CCDC7: variants seen among roughly 807,000 people sequenced by gnomAD.
CCDC7 encodes coiled-coil domain-containing protein 7.
A neutral mutation model predicts 196.9 loss-of-function variants in CCDC7; 183 were observed. The ratio of observed to expected loss-of-function variants is 0.93; its 90% CI spans 0.82 to 1.05. The LOEUF is 1.05. Among genes scored for constraint, CCDC7 ranks in the 50% least tolerant of loss-of-function variants. The probability of loss-of-function intolerance (pLI) is 0.00; values close to 1 mark genes in which losing one functional copy is unlikely to be tolerated. For missense variants in CCDC7, 1,540 were observed against 1,482.2 expected (o/e 1.04, Z -0.64); for synonymous variants, 525 against 484.6 (o/e 1.08, Z -1.10).
chr10:32,705,122 A>T (rs1254099531), intron 24 of CCDC7, among the ~76,000 whole-genome samples: 1 of 152,158 alleles, frequency 6.6e-6, no homozygotes, highest in Non-Finnish European at 1.5e-5. Context: ...GGAGCTGTAG[A>T]CTGGAGCTGT....
At chr10:32,700,694 A>T (rs867605827) in intron 24 of CCDC7, among the ~76,000 whole-genome samples, 1 of 152,192 alleles carries the variant, frequency 6.6e-6, no homozygotes, top group Non-Finnish European at 1.5e-5. Flanking sequence ...TGAGCATGGA[A>T]TGGTCTTCCA....
intron 20 of CCDC7, among the ~76,000 whole-genome samples, chr10:32,638,293 A>G (rs1158535618): frequency 1.3e-5 from 2 of 152,186 alleles, no homozygotes; most frequent in African/African-American, 4.8e-5. Context: ...GAGAGAGGAC[A>G]TCCCTGTCTT....
At chr10:32,748,659 G>A (rs2075198812) in intron 28 of CCDC7, among the ~76,000 whole-genome samples, 1 of 152,188 alleles carries the variant, frequency 6.6e-6, no homozygotes, top group East Asian at 1.9e-4. Flanking sequence ...TGGTGATCCT[G>A]TGTCCCTGGA....
chr10:32,618,934 T>A (rs1055013084), intron 18 of CCDC7, among the ~76,000 whole-genome samples: 1 of 151,968 alleles, frequency 6.6e-6, no homozygotes, highest in African/African-American at 2.4e-5. Flanking sequence ...TTGTTCATTC[T>A]GTTCTATTCT....
intron 18 of CCDC7, among the ~76,000 whole-genome samples, chr10:32,609,861 A>G (rs2061914856): frequency 1.3e-5 from 2 of 152,118 alleles, no homozygotes; most frequent in Non-Finnish European, 2.9e-5. Flanking sequence ...AACTTCTGCC[A>G]TGATTGTAAG....
At chr10:32,657,411 A>G (rs1345537763) in intron 20 of CCDC7, among the ~76,000 whole-genome samples, 1 of 152,228 alleles carries the variant, frequency 6.6e-6, no homozygotes, top group African/African-American at 2.4e-5. Context: ...TCTAGGCAGA[A>G]GTTCCCAAAT....
exon 28 of CCDC7, chr10:32,729,400 T>G (rs1022980705): frequency 6.6e-7 from 1 of 1,511,120 alleles, no homozygotes. Flanking sequence ...GAAAGTTTTA[T>G]TATCAAGAAG....
At chr10:32,638,279 T>C (rs2066034957) in intron 20 of CCDC7, among the ~76,000 whole-genome samples, 1 of 152,016 alleles carries the variant, frequency 6.6e-6, no homozygotes, top group Admixed American at 6.6e-5. Flanking sequence ...TGAATAGGAG[T>C]CGTGAGAGAG....
At chr10:32,695,632 G>A (rs1017396575) in intron 24 of CCDC7, among the ~76,000 whole-genome samples, 2 of 152,088 alleles carry the variant, frequency 1.3e-5, no homozygotes, top group Non-Finnish European at 2.9e-5. Context: ...TTTTGTCTGG[G>A]CCCAGACAAA....
intron 9 of CCDC7, among the ~76,000 whole-genome samples, chr10:32,508,336 G>A (rs906784412): frequency 1.3e-5 from 2 of 152,106 alleles, no homozygotes; most frequent in Non-Finnish European, 2.9e-5. Flanking sequence ...ATTTAACCAA[G>A]GAAGTAAAAG....
exon 6 of CCDC7, chr10:32,471,187 C>A: frequency 6.2e-7 from 1 of 1,612,072 alleles, no homozygotes; most frequent in Non-Finnish European, 8.5e-7. Flanking sequence ...TCGCCTTAAA[C>A]AGAGGTCTAA....
chr10:32,742,614 C>T (rs1310301756), intron 28 of CCDC7, among the ~76,000 whole-genome samples: 1 of 152,158 alleles, frequency 6.6e-6, no homozygotes, highest in Non-Finnish European at 1.5e-5. Flanking sequence ...TTTGTCTGCT[C>T]AGGCTGCCAT....
Position 32,646,483 on chromosome 10 carries a change from A to G in CCDC7, c.2014+11325A>G, listed in dbSNP as rs551865299. 5.1e-4 allele frequency among the ~76,000 whole-genome samples: 78 copies of G among 152,260 alleles called. No individual in the cohort carries two copies. In the South Asian group the frequency reaches 0.016, roughly 30 times the overall value. ...AATCTTCCATGTGCTATGGTGAAGA[A>G]TGTATATTCTCTAGCTGTTGGGTGA... On this transcript the variant is annotated intron_variant, in intron 20 of 41. Coordinates refer to ENST00000639629, the Ensembl canonical transcript of CCDC7.
chr10:32,606,748 C>G (rs1051848524), intron 18 of CCDC7, among the ~76,000 whole-genome samples: 1 of 152,262 alleles, frequency 6.6e-6, no homozygotes, highest in East Asian at 1.9e-4. Context: ...TGTACTGTAT[C>G]TAGAAATAAA....
chr10:32,572,338 A>G (rs1458937755), intron 16 of CCDC7, among the ~76,000 whole-genome samples: 1 of 152,160 alleles, frequency 6.6e-6, no homozygotes, highest in African/African-American at 2.4e-5. Context: ...GATTCATCCA[A>G]TTAAATCTTA....
At chr10:32,781,074 A>G (rs1330185687) in intron 29 of CCDC7, among the ~76,000 whole-genome samples, 1 of 152,204 alleles carries the variant, frequency 6.6e-6, no homozygotes, top group Non-Finnish European at 1.5e-5. Context: ...GAGGAAATGA[A>G]CAAATTGTTA....
intron 41 of CCDC7, among the ~76,000 whole-genome samples, chr10:32,863,375 C>G (rs2094078522): frequency 6.6e-6 from 1 of 151,982 alleles, no homozygotes; most frequent in Non-Finnish European, 1.5e-5. Flanking sequence ...GTTGTTGAGA[C>G]AGAGACCTAC....
At chr10:32,809,496 T>C (rs1019095838) in intron 30 of CCDC7, among the ~76,000 whole-genome samples, 22 of 151,864 alleles carry the variant, frequency 1.4e-4, no homozygotes, top group Non-Finnish European at 2.6e-4. Flanking sequence ...AGGGCTAATA[T>C]CCAGAATCTA....
At position 32,869,389 on chromosome 10, in the gene CCDC7, A is replaced by T. The variant is rs542053163; in HGVS notation, c.4112-6958A>T. Among the ~76,000 whole-genome samples the T allele has an allele frequency of 2.0e-5, 3 of 152,192 alleles. No homozygotes were observed. In the East Asian group the frequency reaches 5.8e-4, roughly 29 times the overall value. On this transcript the variant is annotated intron_variant, in intron 41 of 41. Transcript: ENST00000639629. ...CTTCTTTTGAGAAGTGTCTGTTCATATCCTTCACCCACTTTTTGATGGGGT... is the reference window on the plus strand; with the variant it reads ...CTTCTTTTGAGAAGTGTCTGTTCATTTCCTTCACCCACTTTTTGATGGGGT...
Sources: allele counts gnomAD v4.1 joint callset (sites outside exome capture counted in the v4.1 genomes callset), GRCh38; gene constraint gnomAD v4.1.1; transcripts MANE v1.5; gene names NCBI Gene and HGNC (gene_info 2026-07-23, HGNC 2026-07-21).